The following PIK3C2G variants were observed in gnomAD, a reference collection of about 807,000 sequenced individuals.
The protein encoded by PIK3C2G is phosphatidylinositol 3-kinase C2 domain-containing subunit gamma.
PIK3C2G carries 168 observed loss-of-function variants against 181.1 expected under a neutral mutation model. The observed-to-expected ratio is 0.93, with a 90% CI of 0.82 to 1.05. The LOEUF (loss-of-function observed/expected upper bound fraction) is 1.05, where lower values mean the gene tolerates loss of function less well. Ranked by LOEUF, PIK3C2G falls within the 50% of genes least tolerant of loss-of-function variation. The pLI, the probability that PIK3C2G is intolerant of heterozygous loss-of-function variation, is 0.00. For synonymous variants in PIK3C2G, 573 were observed against 592.2 expected (o/e 0.97, Z 0.47); for missense variants, 1,869 against 1,732.8 (o/e 1.08, Z -1.40).
At chr12:18,465,943 T>C (rs1202750157) in intron 18 of PIK3C2G, among the ~76,000 whole-genome samples, 1 of 151,662 alleles carries the variant, frequency 6.6e-6, no homozygotes, top group Non-Finnish European at 1.5e-5. Context: ...TTTTTTATTG[T>C]TATTCTACAT....
At chr12:18,565,405 T>A (rs1945578074) in intron 28 of PIK3C2G, among the ~76,000 whole-genome samples, 1 of 152,028 alleles carries the variant, frequency 6.6e-6, no homozygotes. Context: ...TGGCGAGAGT[T>A]GACTTTCTTC....
chr12:18,599,565 G>A (rs956893353), intron 30 of PIK3C2G, among the ~76,000 whole-genome samples: 8 of 151,894 alleles, frequency 5.3e-5, no homozygotes, highest in Admixed American at 4.6e-4. Context: ...GAGTTAGTGG[G>A]TGCAGCACAC....
chr12:18,258,788 A>C (rs1211166816), upstream of PIK3C2G, among the ~76,000 whole-genome samples: 40 of 152,094 alleles, frequency 2.6e-4, no homozygotes. Flanking sequence ...TATAAGACTT[A>C]GAAAAATCGA....
chr12:18,502,635 A>C (rs1941568857), intron 22 of PIK3C2G, among the ~76,000 whole-genome samples: 1 of 152,202 alleles, frequency 6.6e-6, no homozygotes, highest in East Asian at 1.9e-4. Flanking sequence ...ACAATAAAAG[A>C]AAGCCTTGAT....
At chr12:18,439,676 A>G (rs1382174667) in intron 18 of PIK3C2G, among the ~76,000 whole-genome samples, 1 of 151,938 alleles carries the variant, frequency 6.6e-6, no homozygotes, top group Non-Finnish European at 1.5e-5. Flanking sequence ...CTTTATCTCC[A>G]CTAAACCTTT....
chr12:18,718,919 T>C, the PIK3C2G span, among the ~76,000 whole-genome samples: 2 of 152,310 alleles, frequency 1.3e-5, no homozygotes, highest in Admixed American at 1.3e-4. Flanking sequence ...AAATCAGCAA[T>C]GCAATGTGGA....
At chr12:18,537,788 C>G (rs990849873) in intron 24 of PIK3C2G, among the ~76,000 whole-genome samples, 5 of 151,896 alleles carry the variant, frequency 3.3e-5, no homozygotes, top group African/African-American at 4.8e-5. Context: ...TCTGTTCGAT[C>G]ATATCAAAAT....
chr12:18,665,540 C>A, the PIK3C2G span, among the ~76,000 whole-genome samples: 2 of 152,084 alleles, frequency 1.3e-5, no homozygotes, highest in Non-Finnish European at 2.9e-5. Flanking sequence ...TGCCTGTAAT[C>A]CCAGCACTTT....
At chr12:18,586,688 A>C (rs996982232) in intron 29 of PIK3C2G, among the ~76,000 whole-genome samples, 2 of 152,140 alleles carry the variant, frequency 1.3e-5, no homozygotes, top group Admixed American at 1.3e-4. Flanking sequence ...CAAAAAATTG[A>C]GAAGAGACTT....
intron 18 of PIK3C2G, among the ~76,000 whole-genome samples, chr12:18,426,091 T>C (rs1014310597): frequency 3.9e-5 from 6 of 152,228 alleles, no homozygotes; most frequent in Non-Finnish European, 5.9e-5. Context: ...ATTTAAAGTC[T>C]TCAACACTAT....
At chr12:18,515,674 G>A (rs750712865) in intron 24 of PIK3C2G, among the ~76,000 whole-genome samples, 5 of 151,666 alleles carry the variant, frequency 3.3e-5, no homozygotes, top group Admixed American at 6.6e-5. Flanking sequence ...AACTATCTTC[G>A]TCATTGATCT....
chr12:18,417,780 T>C (rs1248361910), intron 16 of PIK3C2G, among the ~76,000 whole-genome samples: 1 of 152,118 alleles, frequency 6.6e-6, no homozygotes, highest in Non-Finnish European at 1.5e-5. Flanking sequence ...GCGACTGGCT[T>C]TATTGTGATA....
At chr12:18,290,091 A>C (rs1949624606) in intron 3 of PIK3C2G, among the ~76,000 whole-genome samples, 1 of 152,164 alleles carries the variant, frequency 6.6e-6, no homozygotes, top group South Asian at 2.1e-4. Context: ...ATTGTAATAG[A>C]AAACCTTTGA....
chr12:18,608,245 G>C (rs924813951), intron 30 of PIK3C2G, among the ~76,000 whole-genome samples: 7 of 152,038 alleles, frequency 4.6e-5, no homozygotes, highest in African/African-American at 1.7e-4. Context: ...CTGCTATAAA[G>C]ACACATGCAC....
chr12:18,519,756 A>G (rs962394470), intron 24 of PIK3C2G, among the ~76,000 whole-genome samples: 1 of 152,082 alleles, frequency 6.6e-6, no homozygotes, highest in South Asian at 2.1e-4. Flanking sequence ...TAATCCTGTC[A>G]TCATGATGCT....
chr12:18,423,477 T>G (rs565454821), intron 17 of PIK3C2G, among the ~76,000 whole-genome samples: 10 of 152,110 alleles, frequency 6.6e-5, no homozygotes, highest in Non-Finnish European at 1.3e-4. Context: ...GGGACTGAGT[T>G]ACGGTAGTAA....
chr12:18,503,348 A>G lies in PIK3C2G; in HGVS notation c.3084A>G (p.Gly1028=). Residue 1028 remains glycine (G), a synonymous_variant, in exon 23 of 33, where the codon GGA becomes GGG. Coordinates refer to ENST00000538779, the MANE Select transcript of PIK3C2G (RefSeq NM_001288772.2). ...TTCATCGCCATTCTGGACTGATAGG[A>G]CCATTGAAAGAAAATACAATTAAAA... The part of the protein sequence containing the change: ...AKIHRHSGLI[G]PLKENTIKKW... The G allele has an allele frequency of 6.2e-7, 1 of 1,611,256 alleles. No homozygotes were observed.
intron 8 of PIK3C2G, among the ~76,000 whole-genome samples, chr12:18,325,742 GAGTC>G (rs1365436313): frequency 3.3e-5 from 5 of 149,874 alleles, no homozygotes. Flanking sequence ...AGAGAGAAAA[GAGTC>G]AGGAACCAGA....
chr12:18,291,771 T>A (rs748166664), intron 4 of PIK3C2G, among the ~76,000 whole-genome samples: 2 of 151,994 alleles, frequency 1.3e-5, no homozygotes, highest in Non-Finnish European at 2.9e-5. Flanking sequence ...GCTTCTTTCT[T>A]ACTCTATTCA....
Sources: gnomAD v4.1 joint callset for allele counts (sites outside exome capture counted in the v4.1 genomes callset) on GRCh38, gnomAD v4.1.1 for gene constraint, MANE v1.5 for transcripts, NCBI Gene and HGNC (gene_info 2026-07-23, HGNC 2026-07-21) for gene names.